The following GATAD2B variants were observed in gnomAD, a reference collection of about 807,000 sequenced individuals.
The protein encoded by GATAD2B is transcriptional repressor p66-beta.
In GATAD2B, 8 loss-of-function variants were observed where a neutral mutation model predicts 64.3. The observed-to-expected ratio is 0.12, with a 90% CI of 0.07 to 0.22. The LOEUF (loss-of-function observed/expected upper bound fraction) is 0.22, where lower values mean the gene tolerates loss of function less well. Among genes scored for constraint, GATAD2B ranks in the 10% least tolerant of loss-of-function variants. The pLI is 1.00. For synonymous variants in GATAD2B, 281 were observed against 271.3 expected, an observed-to-expected ratio of 1.04 and a Z score of -0.35; for missense variants, 453 against 752.0, an observed-to-expected ratio of 0.60 and a Z score of 4.65.
At chr1:153,813,942 C>T (rs1674373609) in intron 7 of GATAD2B, among the ~76,000 whole-genome samples, 1 of 152,232 alleles carries the variant, frequency 6.6e-6, no homozygotes, top group South Asian at 2.1e-4. Context: ...TGTGCCAGTG[C>T]ACTCCAGCCT....
intron 10 of GATAD2B, among the ~76,000 whole-genome samples, chr1:153,810,634 T>G (rs1674263043): frequency 6.6e-6 from 1 of 152,008 alleles, no homozygotes; most frequent in Admixed American, 6.6e-5. Flanking sequence ...TTTTGTATTT[T>G]TAGTAGAGAT....
intron 1 of GATAD2B, among the ~76,000 whole-genome samples, chr1:153,881,146 TAC>T (rs1676998150): frequency 6.6e-6 from 1 of 152,130 alleles, no homozygotes; most frequent in Non-Finnish European, 1.5e-5. Context: ...TGTATACACT[TAC>T]ACACACGAGC....
intron 1 of GATAD2B, among the ~76,000 whole-genome samples, chr1:153,833,765 A>G (rs1170183675): frequency 1.4e-5 from 2 of 143,894 alleles, no homozygotes; most frequent in East Asian, 4.2e-4. Flanking sequence ...AGCCAAGATC[A>G]TGCCACTGCG....
intron 1 of GATAD2B, among the ~76,000 whole-genome samples, chr1:153,897,916 C>T (rs1343812110): frequency 1.3e-5 from 2 of 149,846 alleles, no homozygotes; most frequent in Admixed American, 6.7e-5. Context: ...AAGACCTCGA[C>T]GAACGGATGG....
At chr1:153,906,050 A>G in intron 1 of GATAD2B, among the ~76,000 whole-genome samples, 1 of 136,548 alleles carries the variant, frequency 7.3e-6, no homozygotes, top group African/African-American at 2.7e-5. Flanking sequence ...CTGGTGACAG[A>G]GGGAGGTTCC....
chr1:153,840,031 T>C (rs1190720182), intron 1 of GATAD2B, among the ~76,000 whole-genome samples: 3 of 142,006 alleles, frequency 2.1e-5, no homozygotes, highest in African/African-American at 5.3e-5. Flanking sequence ...ACTTTCTTTT[T>C]TTTTTTTTTT....
chr1:153,872,171 T>C (rs997237543), intron 1 of GATAD2B, among the ~76,000 whole-genome samples: 10 of 151,328 alleles, frequency 6.6e-5, no homozygotes, highest in African/African-American at 2.2e-4. Context: ...TATGAAAAAG[T>C]AGCTGGGTGT....
At chr1:153,852,474 G>C (rs1675934357) in intron 1 of GATAD2B, 1 of 758,322 alleles carries the variant, frequency 1.3e-6, no homozygotes, top group East Asian at 2.5e-5. Flanking sequence ...GCAGGCAATA[G>C]CAAGAGTACG....
intron 1 of GATAD2B, among the ~76,000 whole-genome samples, chr1:153,870,288 C>A (rs963395436): frequency 6.6e-6 from 1 of 151,972 alleles, no homozygotes; most frequent in Admixed American, 6.6e-5. Context: ...GGAAAAAATC[C>A]GGCCAGGCAC....
chr1:153,835,553 C>T (rs1326974260), intron 1 of GATAD2B, among the ~76,000 whole-genome samples: 1 of 151,934 alleles, frequency 6.6e-6, no homozygotes, highest in Non-Finnish European at 1.5e-5. Context: ...CACATGGAGG[C>T]AAGACACTCT....
intron 1 of GATAD2B, among the ~76,000 whole-genome samples, chr1:153,895,511 T>C (rs544218881): frequency 3.3e-5 from 5 of 149,710 alleles, no homozygotes; most frequent in African/African-American, 4.9e-5. Flanking sequence ...GCCCAAGAGA[T>C]TGGGGCTGCA....
At chr1:153,854,676 T>C (rs186009133) in intron 1 of GATAD2B, among the ~76,000 whole-genome samples, 221 of 152,362 alleles carry the variant, frequency 1.5e-3, no homozygotes, top group African/African-American at 5.1e-3. Context: ...TTAGGTTATA[T>C]AGTCTATTAT....
intron 1 of GATAD2B, among the ~76,000 whole-genome samples, chr1:153,884,939 TAGAGACA>T (rs951722801): frequency 1.3e-5 from 2 of 151,930 alleles, no homozygotes; most frequent in African/African-American, 4.8e-5. Context: ...GTATTTTTAG[TAGAGACA>T]GGGTTTCACC....
intron 1 of GATAD2B, among the ~76,000 whole-genome samples, chr1:153,906,561 G>C (rs1301864528): frequency 6.6e-6 from 1 of 151,842 alleles, no homozygotes; most frequent in East Asian, 1.9e-4. Context: ...AAACAGAAGA[G>C]CTAACACTCT....
At chr1:153,859,682 T>TA (rs990062068) in intron 1 of GATAD2B, among the ~76,000 whole-genome samples, 1,479 of 147,796 alleles carry the variant, frequency 0.01, 26 homozygotes, top group African/African-American at 0.035. Context: ...AAAAAAATAA[T>TA]AAAAAAAAAA....
intron 2 of GATAD2B, among the ~76,000 whole-genome samples, chr1:153,821,379 G>C (rs1048046945): frequency 6.6e-6 from 1 of 152,080 alleles, no homozygotes; most frequent in Non-Finnish European, 1.5e-5. Context: ...CCAAACTTAG[G>C]TAAGGAAATA....
intron 1 of GATAD2B, among the ~76,000 whole-genome samples, chr1:153,916,932 C>T (rs554813878): frequency 1.3e-5 from 2 of 151,978 alleles, no homozygotes; most frequent in South Asian, 2.1e-4. Flanking sequence ...CTCAGCCCCC[C>T]GAGTAGCTGG....
At chr1:153,852,968 G>A (rs1458024736) in intron 1 of GATAD2B, 2 of 919,070 alleles carry the variant, frequency 2.2e-6, no homozygotes, top group African/African-American at 1.6e-5. Flanking sequence ...ACACAGACTT[G>A]GGTCTTCTCC....
At chr1:153,864,809 C>G (rs1405807826) in intron 1 of GATAD2B, among the ~76,000 whole-genome samples, 1 of 152,128 alleles carries the variant, frequency 6.6e-6, no homozygotes, top group Non-Finnish European at 1.5e-5. Context: ...TGGCTCATGC[C>G]TGTAATCCCA....
Sources: gnomAD v4.1 joint callset for allele counts (sites outside exome capture counted in the v4.1 genomes callset) on GRCh38, gnomAD v4.1.1 for gene constraint, MANE v1.5 for transcripts, NCBI Gene and HGNC (gene_info 2026-07-23, HGNC 2026-07-21) for gene names.